FRAS1: variants seen among roughly 807,000 people sequenced by gnomAD.
FRAS1 encodes the protein extracellular matrix organizing protein FRAS1.
In FRAS1, 290 loss-of-function variants were observed where a neutral mutation model predicts 435.2. That is an observed-to-expected ratio of 0.67 (90% confidence interval 0.61 to 0.73). The LOEUF (loss-of-function observed/expected upper bound fraction) is 0.73. FRAS1 is among the 30% of genes least tolerant of loss of function. The pLI, the probability that FRAS1 is intolerant of heterozygous loss-of-function variation, is 0.00. For missense variants in FRAS1, 4,860 were observed against 5,001.5 expected (o/e 0.97, Z 0.85); for synonymous variants, 1,800 against 1,851.0 (o/e 0.97, Z 0.71).
intron 29 of FRAS1, among the ~76,000 whole-genome samples, chr4:78,391,059 G>A (rs1732425916): frequency 6.6e-6 from 1 of 152,206 alleles, no homozygotes; most frequent in African/African-American, 2.4e-5. Context: ...ATGGGTAATG[G>A]ATGGATGCAA....
At chr4:78,237,319 G>A (rs1453850468) in intron 2 of FRAS1, among the ~76,000 whole-genome samples, 191 bp from the exon 3 acceptor site, 1 of 152,136 alleles carries the variant, frequency 6.6e-6, no homozygotes, top group East Asian at 1.9e-4. Context: ...ATTGACTATT[G>A]TGAAATGGAT....
intron 70 of FRAS1, among the ~76,000 whole-genome samples, chr4:78,531,531 G>T (rs62310308): frequency 0.52 from 79,464 of 151,936 alleles, 20,877 homozygotes; most frequent in Middle Eastern, 0.59. Flanking sequence ...CCTAGTTTAT[G>T]GAGAGTTTTT....
chr4:78,537,299 A>G (rs1721915209), intron 72 of FRAS1, 99 bp downstream of exon 72: 1 of 1,103,528 alleles, frequency 9.1e-7, no homozygotes, highest in African/African-American at 1.6e-5. Context: ...CACTCTTGAT[A>G]TTTTCTTCTC....
At chr4:78,398,957 T>G (rs1229709636) in intron 29 of FRAS1, among the ~76,000 whole-genome samples, 3 of 151,926 alleles carry the variant, frequency 2.0e-5, no homozygotes, top group Non-Finnish European at 4.4e-5. Flanking sequence ...CACTCCAGCC[T>G]GGGCAGCAAG....
chr4:78,326,822 T>A (rs1480895304), intron 18 of FRAS1, among the ~76,000 whole-genome samples: 1 of 152,068 alleles, frequency 6.6e-6, no homozygotes, highest in Non-Finnish European at 1.5e-5. Flanking sequence ...ACAGAAGAAG[T>A]AGATAAGTAT....
chr4:78,324,514 GTCA>G (rs975521163), intron 18 of FRAS1, among the ~76,000 whole-genome samples: 1 of 151,958 alleles, frequency 6.6e-6, no homozygotes, highest in Non-Finnish European at 1.5e-5. Flanking sequence ...AGTTTAGAAA[GTCA>G]TCACAACCAA....
At chr4:78,168,752 A>G (rs1482704828) in intron 2 of FRAS1, among the ~76,000 whole-genome samples, 1 of 152,126 alleles carries the variant, frequency 6.6e-6, no homozygotes, top group African/African-American at 2.4e-5. Context: ...GGATGGGAGT[A>G]GCTTCTAAAC....
In FRAS1 at chr4:78,511,303, G is replaced by A. The variant is rs371302166; in HGVS notation, c.9810G>A (p.Arg3270=). 15 of 1,605,144 alleles carry A rather than the reference G, an allele frequency of 9.3e-6. No homozygotes were observed. The African/African-American group carries it at 1.6e-4, about 17-fold the overall frequency. ...MVLDSIYFSR[R]FHVRCVAKAV... ...TGGACAGCATTTACTTCAGCCGGAGGTTCCATGTGCGTTGTGTGGCCAAGG... is the reference window on the plus strand; with the variant it reads ...TGGACAGCATTTACTTCAGCCGGAGATTCCATGTGCGTTGTGTGGCCAAGG... Residue 3270 remains arginine, a synonymous_variant, in exon 64 of 74, where the codon AGG becomes AGA. Transcript: ENST00000512123.
At chr4:78,195,659 G>A (rs1463599598) in intron 2 of FRAS1, among the ~76,000 whole-genome samples, 2 of 152,150 alleles carry the variant, frequency 1.3e-5, no homozygotes, top group South Asian at 2.1e-4. Flanking sequence ...GATTTTCCAG[G>A]TGCTGTCTTG....
intron 70 of FRAS1, among the ~76,000 whole-genome samples, chr4:78,533,094 A>G (rs1721771979): frequency 6.6e-6 from 1 of 152,200 alleles, no homozygotes; most frequent in Non-Finnish European, 1.5e-5. Flanking sequence ...ATTTACACCC[A>G]TGACCATATT....
intron 2 of FRAS1, among the ~76,000 whole-genome samples, chr4:78,097,606 G>A (rs1049929491): frequency 2.0e-5 from 3 of 152,178 alleles, no homozygotes; most frequent in Admixed American, 2.0e-4. Context: ...AAGAGAGCTT[G>A]TGCAGGGAAA....
chr4:78,145,658 TTTTAA>T (rs1363766372), intron 2 of FRAS1, among the ~76,000 whole-genome samples: 1 of 152,204 alleles, frequency 6.6e-6, no homozygotes, highest in Non-Finnish European at 1.5e-5. Flanking sequence ...TTTACAAAAC[TTTTAA>T]TTTTTTTCTT....
Position 78,201,617 on chromosome 4 carries a change from T to A in FRAS1, c.109-35893T>A, listed in dbSNP as rs183223837. ...TCCACCCCTCTACATAGGATGTGCA[T>A]GAATTCTGACGTTCTGACTCAACCA... On this transcript the variant is annotated intron_variant, in intron 2 of 73. Transcript: ENST00000512123. Among the ~76,000 whole-genome samples the A allele has an allele frequency of 2.5e-3, 382 of 152,304 alleles. 2 individuals carry two copies. Among genetic ancestry groups the A allele is most frequent in the African/African-American group, 8.2e-3 (342 of 41,554 alleles).
At chr4:78,070,887 G>A (rs1740317291) in intron 2 of FRAS1, 1 of 152,190 alleles carries the variant, frequency 6.6e-6, no homozygotes, top group African/African-American at 2.4e-5. Context: ...GGACTGTTGT[G>A]AAGCTTAAAG....
chr4:78,419,240 G>A (rs1733668657), intron 33 of FRAS1, among the ~76,000 whole-genome samples, 177 bp downstream of exon 33: 1 of 152,138 alleles, frequency 6.6e-6, no homozygotes, highest in African/African-American at 2.4e-5. Flanking sequence ...CTAATTGAGA[G>A]AGAAAAAGAC....
intron 2 of FRAS1, among the ~76,000 whole-genome samples, chr4:78,068,215 A>C (rs1300420331): frequency 6.6e-6 from 1 of 152,174 alleles, no homozygotes; most frequent in African/African-American, 2.4e-5. Flanking sequence ...AATGTCAGAT[A>C]GGTGGGCTAT....
chr4:78,125,143 T>A (rs1227519493), intron 2 of FRAS1, among the ~76,000 whole-genome samples: 1 of 152,234 alleles, frequency 6.6e-6, no homozygotes, highest in African/African-American at 2.4e-5. Flanking sequence ...TAAATTTCCC[T>A]CTACACACTG....
At chr4:78,293,328 A>C (rs1398966182) in intron 14 of FRAS1, among the ~76,000 whole-genome samples, 1 of 152,184 alleles carries the variant, frequency 6.6e-6, no homozygotes, top group East Asian at 1.9e-4. Context: ...CTCTGGAATA[A>C]TTTTTGATAG....
chr4:78,395,566 AATT>A (rs1187659292), intron 29 of FRAS1, among the ~76,000 whole-genome samples: 3 of 151,984 alleles, frequency 2.0e-5, no homozygotes, highest in African/African-American at 7.2e-5. Context: ...ATATATTTAC[AATT>A]ATTATATCTG....
Sources: allele counts gnomAD v4.1 joint callset (sites outside exome capture counted in the v4.1 genomes callset), GRCh38; gene constraint gnomAD v4.1.1; transcripts MANE v1.5; gene names NCBI Gene and HGNC (gene_info 2026-07-23, HGNC 2026-07-21).